Variants in RAD51B observed in about 807,000 individuals in gnomAD.
RAD51B encodes the protein RAD51 paralog B.
A neutral mutation model predicts 42.2 loss-of-function variants in RAD51B; 38 were observed. That is an observed-to-expected ratio of 0.90 (90% CI 0.70 to 1.18). The LOEUF (loss-of-function observed/expected upper bound fraction) is 1.18, where lower values mean the gene tolerates loss of function less well. RAD51B is among the 50% of genes most tolerant of loss of function. The pLI is 0.00. For missense variants in RAD51B, 373 were observed against 400.7 expected, an observed-to-expected ratio of 0.93 and a Z score of 0.59; for synonymous variants, 154 against 145.2, an observed-to-expected ratio of 1.06 and a Z score of -0.43.
At chr14:67,997,834 G>A (rs1377960129) in intron 7 of RAD51B, among the ~76,000 whole-genome samples, 1 of 151,992 alleles carries the variant, frequency 6.6e-6, no homozygotes, top group Non-Finnish European at 1.5e-5. Context: ...ATATTATTGT[G>A]TGCTTCAAGT....
At chr14:68,121,810 C>T (rs768177129) in intron 7 of RAD51B, among the ~76,000 whole-genome samples, 8 of 152,004 alleles carry the variant, frequency 5.3e-5, no homozygotes, top group African/African-American at 1.7e-4. Flanking sequence ...AAGAACATTG[C>T]GGTGGGACTA....
chr14:68,002,306 G>A (rs1207123976), intron 7 of RAD51B, among the ~76,000 whole-genome samples: 2 of 152,042 alleles, frequency 1.3e-5, no homozygotes, highest in African/African-American at 4.8e-5. Flanking sequence ...GGAGCTTTTT[G>A]TTATATATTT....
exon 11 of RAD51B, chr14:68,595,951 CTTTTT>C (rs11305606): frequency 1.1e-4 from 38 of 338,088 alleles, no homozygotes; most frequent in African/African-American, 6.5e-4. Flanking sequence ...TTGGAATTGT[CTTTTT>C]TTTTTTTTTT....
intron 4 of RAD51B, among the ~76,000 whole-genome samples, chr14:67,853,134 G>A (rs2041880385): frequency 6.6e-6 from 1 of 152,196 alleles, no homozygotes; most frequent in South Asian, 2.1e-4. Flanking sequence ...GCAGTGAGTG[G>A]CCCTGAGATA....
In RAD51B at chr14:68,426,193, C is replaced by T. The variant is rs980499869; in HGVS notation, c.957+14666C>T. ...AAGCAATTCTCCCACCTCAGCCTCC[C>T]GAGTAGCTGGGATTACAGGCGCCCA... On this transcript the variant is annotated intron_variant, in intron 9 of 10. Transcript: ENST00000471583. Among the ~76,000 whole-genome samples the T allele has an allele frequency of 7.9e-5, 12 of 151,656 alleles. No homozygotes were observed. The East Asian group carries it at 1.2e-3, about 15-fold the overall frequency.
chr14:68,613,574 T>C (rs111648111), downstream of RAD51B, among the ~76,000 whole-genome samples: 24,517 of 151,702 alleles, frequency 0.16, 2,291 homozygotes, highest in East Asian at 0.22. Context: ...CTGCCTCAGC[T>C]TCCTGAGTAG....
At chr14:67,895,209 T>G (rs752251620) in intron 7 of RAD51B, among the ~76,000 whole-genome samples, 1 of 152,262 alleles carries the variant, frequency 6.6e-6, no homozygotes, top group Non-Finnish European at 1.5e-5. Flanking sequence ...TTGTAGCTCT[T>G]AGTCTTTAGC....
intron 3 of RAD51B, among the ~76,000 whole-genome samples, chr14:67,832,854 A>G (rs1190139026): frequency 6.6e-6 from 1 of 152,234 alleles, no homozygotes; most frequent in Non-Finnish European, 1.5e-5. Flanking sequence ...AGGTTGTCAA[A>G]AGCCCTTAAA....
At chr14:68,236,778 G>A (rs1167181283) in intron 7 of RAD51B, among the ~76,000 whole-genome samples, 2 of 152,178 alleles carry the variant, frequency 1.3e-5, no homozygotes, top group Admixed American at 1.3e-4. Context: ...TTGGGGAGTT[G>A]TTCTCTGAAA....
At chr14:68,368,026 A>G (rs1594737868) in intron 8 of RAD51B, among the ~76,000 whole-genome samples, 1 of 152,210 alleles carries the variant, frequency 6.6e-6, no homozygotes, top group Admixed American at 6.5e-5. Flanking sequence ...CTGGTTGCCA[A>G]AAAGAATTAG....
At chr14:68,555,024 T>A (rs899450567) in intron 10 of RAD51B, among the ~76,000 whole-genome samples, 1 of 152,098 alleles carries the variant, frequency 6.6e-6, no homozygotes, top group Non-Finnish European at 1.5e-5. Context: ...ATTTTTATAT[T>A]TTTAGTAGAG....
At chr14:68,173,431 A>G (rs2078909706) in intron 7 of RAD51B, among the ~76,000 whole-genome samples, 1 of 152,236 alleles carries the variant, frequency 6.6e-6, no homozygotes. Flanking sequence ...AGCAGCCAGT[A>G]AGTACAGTGA....
intron 8 of RAD51B, 144 bp downstream of exon 8, chr14:68,292,124 C>A: frequency 1.4e-6 from 1 of 700,578 alleles, no homozygotes. Context: ...TAGGTTTGGC[C>A]ACCTTTCCTG....
At chr14:68,513,563 T>C (rs942764963) in intron 10 of RAD51B, among the ~76,000 whole-genome samples, 16 of 152,134 alleles carry the variant, frequency 1.1e-4, no homozygotes, top group Admixed American at 1.3e-4. Context: ...AGACCCCACC[T>C]TTGGGGTCTG....
chr14:68,397,388 T>C (rs923108619), intron 8 of RAD51B, among the ~76,000 whole-genome samples: 5 of 152,350 alleles, frequency 3.3e-5, no homozygotes, highest in Non-Finnish European at 5.9e-5. Context: ...TCAGCACATT[T>C]TGTTCATGAG....
intron 7 of RAD51B, chr14:68,149,722 A>G (rs1263601345): frequency 6.6e-6 from 1 of 152,156 alleles, no homozygotes; most frequent in Non-Finnish European, 1.5e-5. Flanking sequence ...TCCAGTTCCA[A>G]TCTAGGCCAG....
chr14:68,131,086 G>T (rs1176084664), intron 7 of RAD51B, among the ~76,000 whole-genome samples: 1 of 152,000 alleles, frequency 6.6e-6, no homozygotes, highest in African/African-American at 2.4e-5. Context: ...CAGGATTATT[G>T]TTATTTTATT....
chr14:68,591,402 AG>A (rs1420003486), intron 10 of RAD51B, among the ~76,000 whole-genome samples: 2 of 152,256 alleles, frequency 1.3e-5, no homozygotes, highest in Non-Finnish European at 2.9e-5. Context: ...AAAGACAAAC[AG>A]GGGAGCCACC....
chr14:68,119,095 C>T (rs981163508), intron 7 of RAD51B, among the ~76,000 whole-genome samples: 2 of 151,766 alleles, frequency 1.3e-5, no homozygotes, highest in Non-Finnish European at 1.5e-5. Flanking sequence ...CGTACAGGCA[C>T]GTGCCACTCA....
Sources: allele counts gnomAD v4.1 joint callset (sites outside exome capture counted in the v4.1 genomes callset), GRCh38; gene constraint gnomAD v4.1.1; transcripts MANE v1.5; gene names NCBI Gene and HGNC (gene_info 2026-07-23, HGNC 2026-07-21).